Variants in ANKRD36C observed in about 807,000 individuals in gnomAD.
ANKRD36C encodes ankyrin repeat domain-containing protein 36C.
A neutral mutation model predicts 276.4 loss-of-function variants in ANKRD36C; 61 were observed. The ratio of observed to expected loss-of-function variants is 0.22; its 90% CI spans 0.18 to 0.27. The LOEUF (loss-of-function observed/expected upper bound fraction) is 0.27, where lower values mean the gene tolerates loss of function less well. Ranked by LOEUF, ANKRD36C falls within the 10% of genes least tolerant of loss-of-function variation. The pLI, the probability that ANKRD36C is intolerant of heterozygous loss-of-function variation, is 1.00. For synonymous variants in ANKRD36C, 483 were observed against 680.1 expected (o/e 0.71, Z 4.51); for missense variants, 1,447 against 2,032.3 (o/e 0.71, Z 5.54).
intron 32 of ANKRD36C, among the ~76,000 whole-genome samples, chr2:95,922,351 T>C (rs1020640990): frequency 6.6e-6 from 1 of 151,662 alleles, no homozygotes; most frequent in Non-Finnish European, 1.5e-5. Context: ...TGGATATATG[T>C]TTCCTGAATC....
intron 18 of ANKRD36C, 130 bp from the exon 19 acceptor site, chr2:95,944,824 G>A: frequency 1.0e-6 from 1 of 1,004,412 alleles, no homozygotes; most frequent in South Asian, 1.6e-5. Context: ...GATCATATGA[G>A]GTCAGGTGTT....
chr2:95,977,959 T>C (rs1172461381), intron 6 of ANKRD36C, among the ~76,000 whole-genome samples, 163 bp downstream of exon 6: 1 of 152,040 alleles, frequency 6.6e-6, no homozygotes, highest in Non-Finnish European at 1.5e-5. Context: ...TTACCTACAA[T>C]TAACTTTTTA....
chr2:95,890,045 TATTCATAC>T, intron 46 of ANKRD36C, 51 bp from the exon 67 acceptor site: 1 of 1,578,092 alleles, frequency 6.3e-7, no homozygotes. Context: ...ATGATAAAGT[TATTCATAC>T]ATTCATACAG....
At chr2:95,862,366 A>G (rs1415005000) in intron 60 of ANKRD36C, among the ~76,000 whole-genome samples, 2 of 152,166 alleles carry the variant, frequency 1.3e-5, no homozygotes. Flanking sequence ...TTAAAGACCG[A>G]TAACAAAAAT....
At chr2:95,872,599 TA>T (rs1464482449) in intron 59 of ANKRD36C, among the ~76,000 whole-genome samples, 1 of 151,622 alleles carries the variant, frequency 6.6e-6, no homozygotes, top group Non-Finnish European at 1.5e-5. Context: ...ACATCACAAT[TA>T]AAAGAACTAG....
chr2:95,862,995 C>G (rs1171468517), intron 60 of ANKRD36C, among the ~76,000 whole-genome samples: 1 of 151,620 alleles, frequency 6.6e-6, no homozygotes. Flanking sequence ...TTGAACCAGT[C>G]TATGGTATTT....
In ANKRD36C at chr2:95,948,428, C is replaced by G. The variant is rs1415027377; in HGVS notation, c.1362+102G>C. Reference sequence around the variant, plus strand: ...TCTCTAATAAAAGTTTTAATACTAACATAAAACAATGATAGGTAGACAATT... The same window carrying G: ...TCTCTAATAAAAGTTTTAATACTAAGATAAAACAATGATAGGTAGACAATT... On this transcript the variant is annotated intron_variant, in intron 17 of 66. Coordinates refer to ENST00000456556, the Ensembl canonical transcript of ANKRD36C. 2.4e-6 allele frequency: 3 copies of G among 1,234,494 alleles called. No homozygotes were observed. In the East Asian group the frequency reaches 8.1e-5, roughly 33 times the overall value. The allele number at this position is 1,234,494 out of a possible 1,614,324, so 76.5% of individuals were successfully genotyped here.
intron 60 of ANKRD36C, among the ~76,000 whole-genome samples, chr2:95,864,816 T>A (rs1675652875): frequency 6.6e-6 from 1 of 152,032 alleles, no homozygotes. Flanking sequence ...ATATTCACTA[T>A]CCTTAGTAAC....
At chr2:95,916,533 C>T (rs1677102354) in intron 36 of ANKRD36C, among the ~76,000 whole-genome samples, 1 of 151,656 alleles carries the variant, frequency 6.6e-6, no homozygotes, top group Non-Finnish European at 1.5e-5. Context: ...GCTACGTGAT[C>T]CCACATGTCT....
At chr2:95,936,688 C>A (rs1455556388) in intron 22 of ANKRD36C, among the ~76,000 whole-genome samples, 3 of 152,018 alleles carry the variant, frequency 2.0e-5, no homozygotes, top group Non-Finnish European at 2.9e-5. Flanking sequence ...CATCCCACCC[C>A]ACTTGTACTC....
At chr2:95,925,620 T>G (rs1409592620) in intron 28 of ANKRD36C, 73 bp from the exon 29 acceptor site, 1 of 1,432,470 alleles carries the variant, frequency 7.0e-7, no homozygotes, top group African/African-American at 1.4e-5. Flanking sequence ...CATGCAGTGT[T>G]AGCATCAAGC....
chr2:95,884,444 C>G (rs554230797), intron 52 of ANKRD36C, 76 bp from the exon 73 acceptor site: 13 of 1,601,302 alleles, frequency 8.1e-6, no homozygotes, highest in Non-Finnish European at 1.0e-5. Flanking sequence ...GCAGTGTTAG[C>G]ATCAAGCTGT....
At position 95,965,229 on chromosome 2, in the gene ANKRD36C, A is replaced by AAC. The variant is rs540582101; in HGVS notation, c.800-2684_800-2683dup. Among the ~76,000 whole-genome samples the AAC allele has an allele frequency of 1.9e-3, 293 of 151,562 alleles. 1 individual carries two copies. The highest frequency in any genetic ancestry group is 3.2e-3 in the Non-Finnish European group (216 of 67,728). The stretch of plus-strand genomic sequence containing the variant: ...GAGAAAAAATACACACACACACACA[A>AAC]ACACACACACACATTCACACACAAA... On this transcript the variant is annotated intron_variant, in intron 6 of 66. Coordinates refer to ENST00000456556, the Ensembl canonical transcript of ANKRD36C.
chr2:95,986,709 T>A, intron 3 of ANKRD36C, 42 bp downstream of exon 3: 8 of 1,534,366 alleles, frequency 5.2e-6, no homozygotes, highest in Non-Finnish European at 7.0e-6. Context: ...TTAAAATAAA[T>A]GCATTTCAGA....
rs1484197276 is a variant in ANKRD36C at position 95,891,792 on chromosome 2, T to C, written c.2784+40A>G. The C allele has an allele frequency of 9.0e-6, 14 of 1,559,336 alleles. No homozygotes were observed. The Middle Eastern group carries it at 5.6e-4, about 62-fold the overall frequency. Reference sequence around the variant, plus strand: ...TTAATAAAGTATGTTTCATAGACTATACATTTACTAGTTCACAATATAAAT... The same window carrying C: ...TTAATAAAGTATGTTTCATAGACTACACATTTACTAGTTCACAATATAAAT... On this transcript the variant is annotated intron_variant, in intron 45 of 66. Coordinates refer to ENST00000456556, the Ensembl canonical transcript of ANKRD36C.
chr2:95,970,431 A>G (rs1661631692), intron 6 of ANKRD36C, among the ~76,000 whole-genome samples: 1 of 152,196 alleles, frequency 6.6e-6, no homozygotes, highest in South Asian at 2.1e-4. Flanking sequence ...AGAGAAGCTT[A>G]TAAAGAAATA....
intron 56 of ANKRD36C, among the ~76,000 whole-genome samples, chr2:95,881,663 C>G (rs965235282): frequency 2.0e-5 from 3 of 152,182 alleles, no homozygotes; most frequent in African/African-American, 7.2e-5. Flanking sequence ...TATCCCAATT[C>G]TAGCACTCCT....
At chr2:95,921,203 G>A (rs1245924524) in intron 34 of ANKRD36C, among the ~76,000 whole-genome samples, 5 of 150,550 alleles carry the variant, frequency 3.3e-5, no homozygotes, top group Admixed American at 1.3e-4. Flanking sequence ...GTGTCTATGG[G>A]TTATTACTAT....
At chr2:95,903,342 T>C (rs1676713316) in intron 42 of ANKRD36C, among the ~76,000 whole-genome samples, 2 of 150,438 alleles carry the variant, frequency 1.3e-5, no homozygotes, top group Non-Finnish European at 3.0e-5. Context: ...ACCATGTCAA[T>C]ATCAACGTGG....
Sources: allele counts gnomAD v4.1 joint callset (sites outside exome capture counted in the v4.1 genomes callset), GRCh38; gene constraint gnomAD v4.1.1; transcripts MANE v1.5; gene names NCBI Gene and HGNC (gene_info 2026-07-23, HGNC 2026-07-21).